Variants in GRM5 observed in about 807,000 individuals in gnomAD.
GRM5 encodes the protein metabotropic glutamate receptor 5.
Under a neutral mutation model 83.1 loss-of-function variants are expected in GRM5, and 19 were observed. The observed-to-expected ratio is 0.23, with a 90% confidence interval of 0.16 to 0.34. The LOEUF (loss-of-function observed/expected upper bound fraction) is 0.34. Among genes scored for constraint, GRM5 ranks in the 10% least tolerant of loss-of-function variants. The probability of loss-of-function intolerance (pLI) is 1.00; values close to 1 mark genes in which losing one functional copy is unlikely to be tolerated. For synonymous variants in GRM5, 675 were observed against 633.6 expected, an observed-to-expected ratio of 1.07 and a Z score of -0.98; for missense variants, 1,160 against 1,588.3, an observed-to-expected ratio of 0.73 and a Z score of 4.58.
chr11:88,790,838 G>C (rs1411737919), intron 3 of GRM5, among the ~76,000 whole-genome samples: 1 of 152,120 alleles, frequency 6.6e-6, no homozygotes, highest in Non-Finnish European at 1.5e-5. Context: ...AGAAAGGAAG[G>C]CAACGGCTAG....
intron 3 of GRM5, among the ~76,000 whole-genome samples, chr11:88,777,813 C>T (rs554403073): frequency 6.6e-6 from 1 of 152,252 alleles, no homozygotes; most frequent in Non-Finnish European, 1.5e-5. Flanking sequence ...GCTGCCTGAT[C>T]CTTCCTCTGG....
chr11:88,994,320 A>G (rs1404512356), intron 2 of GRM5, among the ~76,000 whole-genome samples: 3 of 151,778 alleles, frequency 2.0e-5, no homozygotes, highest in Non-Finnish European at 4.4e-5. Flanking sequence ...AGCAATCTAC[A>G]CATTAAATGC....
intron 3 of GRM5, among the ~76,000 whole-genome samples, chr11:88,690,123 G>A (rs1000325878): frequency 6.6e-6 from 1 of 152,086 alleles, no homozygotes; most frequent in Non-Finnish European, 1.5e-5. Flanking sequence ...TTCTTATCTG[G>A]TAGTAAATTT....
chr11:88,964,298 T>G (rs1188126227), intron 2 of GRM5, among the ~76,000 whole-genome samples: 1 of 152,126 alleles, frequency 6.6e-6, no homozygotes, highest in Non-Finnish European at 1.5e-5. Context: ...AAACATATTA[T>G]TTTAGATGAC....
At chr11:88,608,384 C>A (rs61901990) in intron 4 of GRM5, among the ~76,000 whole-genome samples, 32,756 of 152,052 alleles carry the variant, frequency 0.22, 3,562 homozygotes, top group Middle Eastern at 0.26. Flanking sequence ...CACCAACACT[C>A]CCTATCTTCT....
chr11:89,013,162 T>C (rs1205219493), intron 2 of GRM5, among the ~76,000 whole-genome samples: 1 of 152,150 alleles, frequency 6.6e-6, no homozygotes, highest in African/African-American at 2.4e-5. Flanking sequence ...TGTTGCTACA[T>C]GTAAGAGTTC....
chr11:88,789,857 T>G lies in GRM5; in HGVS notation c.911+60049A>C, dbSNP rs1033489271. Among the ~76,000 whole-genome samples the G allele has an allele frequency of 6.6e-5, 10 of 152,136 alleles. No individual in the cohort carries two copies. The East Asian group carries it at 1.9e-3, about 29-fold the overall frequency. ...ACATCTACAATGTACAAGGCAAATT[T>G]TTTTTTTCTTTTTTTGATATGGAGT... On this transcript the variant is annotated intron_variant, in intron 3 of 9. Transcript: ENST00000305447.
At chr11:88,792,263 A>C (rs1049498469) in intron 3 of GRM5, among the ~76,000 whole-genome samples, 1 of 152,112 alleles carries the variant, frequency 6.6e-6, no homozygotes, top group Non-Finnish European at 1.5e-5. Flanking sequence ...CATTTCATGC[A>C]CAGATGAGTC....
At chr11:88,762,638 G>T (rs1424645614) in intron 3 of GRM5, among the ~76,000 whole-genome samples, 1 of 151,936 alleles carries the variant, frequency 6.6e-6, no homozygotes, top group East Asian at 1.9e-4. Flanking sequence ...TCAAAGAGCT[G>T]AAAGCAGAAG....
chr11:88,803,347 A>C, intron 3 of GRM5, among the ~76,000 whole-genome samples: 1 of 152,170 alleles, frequency 6.6e-6, no homozygotes, highest in East Asian at 1.9e-4. Flanking sequence ...GATATAGATC[A>C]ATGGAACAGA....
intron 7 of GRM5, among the ~76,000 whole-genome samples, chr11:88,573,106 C>T (rs1040538168): frequency 1.2e-4 from 18 of 152,096 alleles, no homozygotes; most frequent in Non-Finnish European, 1.6e-4. Context: ...CCCTTTTATA[C>T]TTGATTCGTA....
At chr11:88,754,313 C>T (rs1197259463) in intron 3 of GRM5, among the ~76,000 whole-genome samples, 1 of 152,110 alleles carries the variant, frequency 6.6e-6, no homozygotes, top group East Asian at 1.9e-4. Flanking sequence ...GGAGGGATTG[C>T]TAATGGATGC....
At chr11:88,957,452 C>T (rs1212165287) in intron 2 of GRM5, among the ~76,000 whole-genome samples, 1 of 152,146 alleles carries the variant, frequency 6.6e-6, no homozygotes, top group Non-Finnish European at 1.5e-5. Context: ...TTTATCTCAA[C>T]AGTTCCAGGA....
chr11:88,894,740 G>T (rs1945203906), intron 2 of GRM5, among the ~76,000 whole-genome samples: 1 of 151,930 alleles, frequency 6.6e-6, no homozygotes, highest in African/African-American at 2.4e-5. Context: ...AAGAAACGGG[G>T]ATTTGGGGAC....
At chr11:88,886,787 T>C (rs1945050598) in intron 2 of GRM5, among the ~76,000 whole-genome samples, 1 of 152,196 alleles carries the variant, frequency 6.6e-6, no homozygotes, top group Admixed American at 6.5e-5. Context: ...TTTCATCCTC[T>C]CTGTGTATGC....
chr11:88,609,031 G>A (rs1158811125), intron 4 of GRM5, among the ~76,000 whole-genome samples: 1 of 152,048 alleles, frequency 6.6e-6, no homozygotes, highest in African/African-American at 2.4e-5. Context: ...GGGTATATGT[G>A]CAGGTTTGTT....
intron 2 of GRM5, among the ~76,000 whole-genome samples, chr11:88,861,492 T>C (rs1296941987): frequency 6.6e-6 from 1 of 151,914 alleles, no homozygotes; most frequent in Admixed American, 6.6e-5. Context: ...TGAGACAAGG[T>C]TTCACCCCTG....
At chr11:88,690,110 T>C (rs1201488355) in intron 3 of GRM5, among the ~76,000 whole-genome samples, 2 of 152,188 alleles carry the variant, frequency 1.3e-5, no homozygotes, top group African/African-American at 2.4e-5. Context: ...AACACAGAGA[T>C]GATTCTTATC....
chr11:88,982,499 T>C (rs990210667), intron 2 of GRM5, among the ~76,000 whole-genome samples: 8 of 152,168 alleles, frequency 5.3e-5, no homozygotes, highest in African/African-American at 1.9e-4. Context: ...ATTTGTAATA[T>C]AGTTATAATG....
Sources: gnomAD v4.1 joint callset for allele counts (sites outside exome capture counted in the v4.1 genomes callset) on GRCh38, gnomAD v4.1.1 for gene constraint, MANE v1.5 for transcripts, NCBI Gene and HGNC (gene_info 2026-07-23, HGNC 2026-07-21) for gene names.